RANBP2: variants seen among roughly 807,000 people sequenced by gnomAD.
RANBP2 encodes the protein E3 SUMO-protein ligase RanBP2.
Under a neutral mutation model 303.6 loss-of-function variants are expected in RANBP2, and 57 were observed. The observed-to-expected ratio is 0.19, with a 90% CI of 0.15 to 0.23. The LOEUF is 0.23. Among genes scored for constraint, RANBP2 ranks in the 10% least tolerant of loss-of-function variants. The pLI, the probability that RANBP2 is intolerant of heterozygous loss-of-function variation, is 1.00. For missense variants in RANBP2, 3,138 were observed against 3,780.8 expected, an observed-to-expected ratio of 0.83 and a Z score of 4.46; for synonymous variants, 1,167 against 1,301.5, an observed-to-expected ratio of 0.90 and a Z score of 2.23.
At chr2:108,855,774 A>G in the RANBP2 span, among the ~76,000 whole-genome samples, 3,335 of 152,296 alleles carry the variant, frequency 0.022, 117 homozygotes, top group South Asian at 0.082. Flanking sequence ...AGGGTTTTAA[A>G]TTACTTATTA....
At chr2:109,181,736 A>G in the RANBP2 span, among the ~76,000 whole-genome samples, 124,640 of 152,184 alleles carry the variant, frequency 0.82, 51,180 homozygotes, top group East Asian at 0.89. Context: ...TTCTCCAGCC[A>G]TGGTAGTGGA....
chr2:109,020,038 ACT>A, the RANBP2 span, among the ~76,000 whole-genome samples: 3 of 152,012 alleles, frequency 2.0e-5, no homozygotes, highest in African/African-American at 7.3e-5. Context: ...GAAGGGAACA[ACT>A]CTGTTTGAAC....
the RANBP2 span, among the ~76,000 whole-genome samples, chr2:109,307,025 GT>G: frequency 6.6e-6 from 1 of 152,204 alleles, no homozygotes. Flanking sequence ...TATTATGGCA[GT>G]GCAGTTTTAA....
the RANBP2 span, among the ~76,000 whole-genome samples, chr2:109,418,564 C>T: frequency 3.3e-5 from 5 of 152,156 alleles, no homozygotes; most frequent in Admixed American, 6.5e-5. Context: ...CTCCACATCC[C>T]GGTCCTCCTT....
the RANBP2 span, among the ~76,000 whole-genome samples, chr2:108,799,995 T>G: frequency 6.6e-6 from 1 of 152,226 alleles, no homozygotes; most frequent in East Asian, 1.9e-4. Context: ...ATTTCTGTCT[T>G]TATATTTACA....
chr2:109,012,807 G>C, the RANBP2 span, among the ~76,000 whole-genome samples: 5 of 152,108 alleles, frequency 3.3e-5, 1 homozygote, highest in South Asian at 1.0e-3. Context: ...CCAGCTACTC[G>C]GGAGGCTGAG....
At chr2:109,357,059 A>G in the RANBP2 span, among the ~76,000 whole-genome samples, 1 of 151,552 alleles carries the variant, frequency 6.6e-6, no homozygotes, top group Non-Finnish European at 1.5e-5. Context: ...ACCTTTTTAA[A>G]ATTTTTTTTT....
chr2:109,316,854 C>CT, the RANBP2 span, among the ~76,000 whole-genome samples: 1 of 152,234 alleles, frequency 6.6e-6, no homozygotes, highest in South Asian at 2.1e-4. Context: ...TGTACTGTCG[C>CT]TGTAGTTCTG....
chr2:109,701,678 C>A, the RANBP2 span, among the ~76,000 whole-genome samples: 1 of 152,076 alleles, frequency 6.6e-6, no homozygotes, highest in Non-Finnish European at 1.5e-5. Context: ...CGCTCTTTGT[C>A]CACAAGGAAT....
the RANBP2 span, among the ~76,000 whole-genome samples, chr2:109,456,552 A>T: frequency 6.6e-6 from 1 of 152,162 alleles, no homozygotes; most frequent in Non-Finnish European, 1.5e-5. Context: ...GCCTGGTCTG[A>T]GCAGAGGTCA....
the RANBP2 span, chr2:108,816,188 C>T: frequency 5.6e-5 from 56 of 993,488 alleles, 1 homozygote; most frequent in South Asian, 4.4e-4. Flanking sequence ...CAGTGGCTCA[C>T]GTCTATAATC....
the RANBP2 span, among the ~76,000 whole-genome samples, chr2:109,195,863 G>A: frequency 6.6e-6 from 1 of 152,218 alleles, no homozygotes; most frequent in East Asian, 1.9e-4. Context: ...CTGGCTATGC[G>A]TTTGGAAGGT....
chr2:108,925,596 T>C, the RANBP2 span, among the ~76,000 whole-genome samples: 1 of 151,998 alleles, frequency 6.6e-6, no homozygotes, highest in Admixed American at 6.5e-5. Context: ...AGTCACTCAG[T>C]TAAGGAATAT....
the RANBP2 span, chr2:109,567,680 G>T: frequency 2.4e-6 from 2 of 824,672 alleles, no homozygotes; most frequent in Non-Finnish European, 3.6e-6. Context: ...TCTCATACTG[G>T]ACTTTTTGAA....
At chr2:109,153,606 A>T in the RANBP2 span, among the ~76,000 whole-genome samples, 1 of 152,334 alleles carries the variant, frequency 6.6e-6, no homozygotes, top group Non-Finnish European at 1.5e-5. Flanking sequence ...TGTGTGTGGA[A>T]GCTGCCGCTG....
At chr2:109,662,679 G>A in the RANBP2 span, among the ~76,000 whole-genome samples, 20 of 152,174 alleles carry the variant, frequency 1.3e-4, no homozygotes, top group East Asian at 3.9e-3. Flanking sequence ...CCAAAGTGCT[G>A]GGATTATAGG....
chr2:109,631,923 T>C, the RANBP2 span, among the ~76,000 whole-genome samples: 109 of 152,118 alleles, frequency 7.2e-4, 1 homozygote, highest in South Asian at 0.022. Context: ...CTAGACAGCC[T>C]CAAGATGGGG....
intron 1 of RANBP2, among the ~76,000 whole-genome samples, chr2:108,727,955 C>T (rs1288642321): frequency 6.6e-6 from 1 of 152,160 alleles, no homozygotes; most frequent in Non-Finnish European, 1.5e-5. Context: ...AGGAGCCAGG[C>T]TGTGGACCTC....
chr2:109,704,625 G>A, the RANBP2 span, among the ~76,000 whole-genome samples: 1 of 152,098 alleles, frequency 6.6e-6, no homozygotes, highest in South Asian at 2.1e-4. Flanking sequence ...CGAGGCAGGT[G>A]GATCACCTGA....
Sources: allele counts gnomAD v4.1 joint callset (sites outside exome capture counted in the v4.1 genomes callset), GRCh38; gene constraint gnomAD v4.1.1; transcripts MANE v1.5; gene names NCBI Gene and HGNC (gene_info 2026-07-23, HGNC 2026-07-21).